Variants in DOK7 observed in about 807,000 individuals in gnomAD.
DOK7 encodes docking protein 7, also known as protein Dok-7.
DOK7 carries 32 observed loss-of-function variants against 30.7 expected under a neutral mutation model. The observed-to-expected ratio is 1.04, with a 90% CI of 0.79 to 1.40. The LOEUF (loss-of-function observed/expected upper bound fraction) is 1.40. Among genes scored for constraint, DOK7 ranks in the 40% most tolerant of loss-of-function variants. The pLI is 0.00. For missense variants in DOK7, 1,007 were observed against 699.2 expected (o/e 1.44, Z -4.97); for synonymous variants, 447 against 324.1 (o/e 1.38, Z -4.07).
At chr4:3,490,303 C>A (rs1354212477) in intron 6 of DOK7, among the ~76,000 whole-genome samples, 11 of 62,222 alleles carry the variant, frequency 1.8e-4, no homozygotes, top group African/African-American at 5.5e-4. Flanking sequence ...TCTTCCTCCG[C>A]CCCCCCGGCT....
chr4:3,481,086 C>G (rs1285119061), intron 4 of DOK7, among the ~76,000 whole-genome samples: 1 of 151,514 alleles, frequency 6.6e-6, no homozygotes, highest in African/African-American at 2.4e-5. Flanking sequence ...TGTAGGAGCC[C>G]TGTTGGGGGG....
In DOK7 at chr4:3,463,487, C is replaced by T. The variant is rs1316334613; in HGVS notation, c.55-19C>T. On this transcript the variant is annotated intron_variant, in intron 1 of 6. Coordinates refer to ENST00000340083, the MANE Select transcript of DOK7 (RefSeq NM_173660.5). Reference sequence around the variant, plus strand: ...GCGCGGGCGCGGGCGGCGGCTCACGCTCCCCCCTGTCCCCGCAGTGGAAGA... The same window carrying T: ...GCGCGGGCGCGGGCGGCGGCTCACGTTCCCCCCTGTCCCCGCAGTGGAAGA... 1.3e-5 allele frequency: 19 copies of T among 1,483,838 alleles called. No individual in the cohort carries two copies. The highest frequency in any genetic ancestry group is 1.5e-5 in the Non-Finnish European group (17 of 1,122,450). 91.9% of individuals were successfully genotyped at this position (1,483,838 alleles called of 1,614,324 possible).
downstream of DOK7, among the ~76,000 whole-genome samples, chr4:3,495,697 C>T (rs16844482): frequency 4.2e-3 from 647 of 152,296 alleles, 6 homozygotes; most frequent in African/African-American, 0.015. Context: ...GTTCTGTTTT[C>T]TTGACGGCCC....
chr4:3,477,924 G>T (rs1366557248), intron 4 of DOK7, among the ~76,000 whole-genome samples: 3 of 152,198 alleles, frequency 2.0e-5, no homozygotes, highest in African/African-American at 7.2e-5. Flanking sequence ...CAGAGGTTCA[G>T]TACTGGGGCT....
chr4:3,493,022 T>A lies in DOK7; in HGVS notation c.1036T>A (p.Ser346Thr). The A allele has an allele frequency of 6.4e-7, 1 of 1,568,850 alleles. No individual in the cohort carries two copies. Among genetic ancestry groups the A allele is most frequent in the South Asian group, 1.2e-5 (1 of 86,876 alleles). Residue 346 changes from serine (S) to threonine (T), a missense_variant, in exon 7 of 7, where the codon TCC (serine) becomes ACC (threonine). Physicochemically the swap from Ser to Thr is moderately conservative, Grantham distance 58. Coordinates refer to ENST00000340083, the MANE Select transcript of DOK7 (RefSeq NM_173660.5). Reference protein sequence around the residue: ...SDSGIATGSHSSYSSSLSSYA... With the variant: ...SDSGIATGSHTSYSSSLSSYA... Reference sequence around the variant, plus strand: ...CAGCGGCATCGCCACTGGCAGCCACTCCTCTTACTCCAGCAGCCTCTCGTC... The same window carrying A: ...CAGCGGCATCGCCACTGGCAGCCACACCTCTTACTCCAGCAGCCTCTCGTC...
chr4:3,496,822 AGCGGCAGCCTCAGCCCCAGGACCT>A, downstream of DOK7: 2 of 1,535,148 alleles, frequency 1.3e-6, no homozygotes, highest in Non-Finnish European at 1.7e-6. Flanking sequence ...TGGTCTAGGG[AGCGGCAGCCTCAGCCCCAGGACCT>A]GCGACAGCAC....
In DOK7 at chr4:3,493,933, C is replaced by G. The variant is rs1228347728; in HGVS notation, c.*432C>G. On this transcript the variant is annotated 3_prime_UTR_variant, in exon 7 of 7. Transcript: ENST00000340083. ...CCATCACCTCTCTGGGGCAGTCACA[C>G]CACCTGTTAAGCATCAAGCTACCAC... 2.0e-6 allele frequency: 2 copies of G among 1,022,400 alleles called. No individual in the cohort carries two copies. Among genetic ancestry groups the G allele is most frequent in the Non-Finnish European group, 2.3e-6 (2 of 855,240 alleles). The allele number at this position is 1,022,400 out of a possible 1,614,324, so 63.3% of individuals were successfully genotyped here.
chr4:3,499,498 G>A (rs1729086823), intron 6 of DOK7, among the ~76,000 whole-genome samples: 1 of 152,224 alleles, frequency 6.6e-6, no homozygotes, highest in African/African-American at 2.4e-5. Flanking sequence ...CAGAGGAGGG[G>A]CCGGTGTGCG....
intron 2 of DOK7, among the ~76,000 whole-genome samples, chr4:3,468,778 GTGCCTGTGAT>G (rs1421355875): frequency 0.02 from 3,030 of 148,884 alleles, 104 homozygotes; most frequent in African/African-American, 0.072. Context: ...GCATGTATGT[GTGCCTGTGAT>G]CATGTATGTC....
intron 6 of DOK7, among the ~76,000 whole-genome samples, chr4:3,492,219 A>G (rs1728514175): frequency 6.6e-6 from 1 of 151,764 alleles, no homozygotes; most frequent in Non-Finnish European, 1.5e-5. Context: ...GCAGGGAGGG[A>G]GACTGGGAGT....
chr4:3,463,451 G>GGC lies in DOK7; in HGVS notation c.54+23_54+24insCG. 1.2e-5 allele frequency: 1 copy of GGC among 84,146 alleles called. No homozygotes were observed. The highest frequency in any genetic ancestry group is 1.5e-5 in the Non-Finnish European group (1 of 67,518). 5.2% of individuals were successfully genotyped at this position (84,146 alleles called of 1,614,324 possible). A position where few individuals can be genotyped will look rare whatever the true frequency, so the allele number is the denominator to read the frequency against. ...GAAGGTCGGGGCGCGTCGGGGGCGC[G>GGC]GGGGGGGGGGGCGCGGGCGCGGGCG... On this transcript the variant is annotated intron_variant, in intron 1 of 6. Coordinates refer to ENST00000340083, the MANE Select transcript of DOK7 (RefSeq NM_173660.5).
chr4:3,494,616 C>T (rs1728796653), downstream of DOK7: 3 of 815,534 alleles, frequency 3.7e-6, no homozygotes, highest in Admixed American at 6.2e-5. Context: ...GAGGCCTCAT[C>T]TGTCTTGTGA....
At chr4:3,476,262 G>T in intron 3 of DOK7, 80 bp from the exon 4 acceptor site, 1 of 786,140 alleles carries the variant, frequency 1.3e-6, no homozygotes, top group Non-Finnish European at 1.8e-6. Flanking sequence ...ACCCGCCCGT[G>T]ATGCCCTCTC....
intron 4 of DOK7, 45 bp downstream of exon 4, chr4:3,476,587 C>CA (rs1560212960): frequency 1.2e-6 from 2 of 1,611,010 alleles, no homozygotes; most frequent in Admixed American, 3.3e-5. Flanking sequence ...CAGCACCCCC[C>CA]ACTTCCCCTG....
At chr4:3,499,553 G>C (rs896578174) in intron 6 of DOK7, among the ~76,000 whole-genome samples, 2 of 152,300 alleles carry the variant, frequency 1.3e-5, no homozygotes. Context: ...CCACCCAGCC[G>C]GGCCTGTGGG....
At chr4:3,496,698 T>A (rs955321576), downstream of DOK7, 1 of 1,085,046 alleles carries the variant, frequency 9.2e-7, no homozygotes, top group Non-Finnish European at 1.3e-6. Flanking sequence ...TCCCTGCAGG[T>A]GACCCAGGTC....
intron 2 of DOK7, among the ~76,000 whole-genome samples, chr4:3,472,938 G>A (rs921921428): frequency 3.3e-5 from 5 of 152,240 alleles, no homozygotes; most frequent in African/African-American, 7.2e-5. Flanking sequence ...GGTGGGTCTC[G>A]AGGCAGCAGG....
Position 3,492,900 on chromosome 4 carries a change from A to C in DOK7, c.914A>C (p.Gln305Pro), listed in dbSNP as rs747816956. 6.3e-7 allele frequency: 1 copy of C among 1,583,558 alleles called. No homozygotes were observed. Among genetic ancestry groups the C allele is most frequent in the Non-Finnish European group, 8.6e-7 (1 of 1,167,754 alleles). The change falls in exon 7 of 7, where the codon CAG (glutamine) becomes CCG (proline). Residue 305 changes from glutamine (Q) to proline (P), a missense_variant. Transcript: ENST00000340083. The part of the protein sequence containing the change: ...SQEGPRPAAA[Q>P]AAGEAMVGAS... ...GAGGGGCCTAGACCAGCAGCTGCCC[A>C]GGCCGCCGGGGAAGCCATGGTGGGT...
chr4:3,486,783 G>A (rs1727829707), intron 5 of DOK7, among the ~76,000 whole-genome samples: 1 of 151,988 alleles, frequency 6.6e-6, no homozygotes, highest in South Asian at 2.1e-4. Context: ...TGGATGGTGT[G>A]GTCAGCGTGG....
Sources: gnomAD v4.1 joint callset for allele counts (sites outside exome capture counted in the v4.1 genomes callset) on GRCh38, gnomAD v4.1.1 for gene constraint, MANE v1.5 for transcripts, NCBI Gene and HGNC (gene_info 2026-07-23, HGNC 2026-07-21) for gene names.